MSI2: variants seen among roughly 807,000 people sequenced by gnomAD.
MSI2 encodes RNA-binding protein Musashi homolog 2.
MSI2 carries 17 observed loss-of-function variants against 45.6 expected under a neutral mutation model. That is an observed-to-expected ratio of 0.37 (90% CI 0.26 to 0.56). MSI2 has a LOEUF of 0.56. Among genes scored for constraint, MSI2 ranks in the 20% least tolerant of loss-of-function variants. The probability of loss-of-function intolerance (pLI) is 0.77; values close to 1 mark genes in which losing one functional copy is unlikely to be tolerated. For missense variants in MSI2, 293 were observed against 444.2 expected, an observed-to-expected ratio of 0.66 and a Z score of 3.06; for synonymous variants, 156 against 158.2, an observed-to-expected ratio of 0.99 and a Z score of 0.11.
chr17:57,470,450 G>C (rs1238889058), intron 6 of MSI2, among the ~76,000 whole-genome samples: 2 of 152,050 alleles, frequency 1.3e-5, no homozygotes, highest in African/African-American at 4.8e-5. Flanking sequence ...GCTAATTTTT[G>C]TATTTTTAGT....
rs565943846 is a variant in MSI2, at chr17:57,652,494, C to T, written c.790+333C>T. ...GCTTCGGGTACCTGTGGTCATTTCC[C>T]TCCTTGGCTTTTGCTAATTCAACAG... On this transcript the variant is annotated intron_variant, in intron 11 of 13. Coordinates refer to ENST00000284073, the MANE Select transcript of MSI2 (RefSeq NM_138962.4). The surrounding 1 kb of genome is among the most constrained non-coding windows in gnomAD (Gnocchi z 4.1). 1.6e-4 allele frequency among the ~76,000 whole-genome samples: 25 copies of T among 152,188 alleles called. No individual in the cohort carries two copies. The highest frequency in any genetic ancestry group is 3.5e-4 in the Non-Finnish European group (24 of 68,036).
At chr17:57,343,186 C>T (rs1262464632) in intron 5 of MSI2, among the ~76,000 whole-genome samples, 2 of 152,174 alleles carry the variant, frequency 1.3e-5, no homozygotes, top group Non-Finnish European at 2.9e-5. Context: ...GTTAAGCCCT[C>T]TTGACCCACT....
At chr17:57,606,114 G>A (rs1192947675) in intron 8 of MSI2, 1 of 152,390 alleles carries the variant, frequency 6.6e-6, no homozygotes, top group African/African-American at 2.4e-5. Flanking sequence ...GGGAGGGTTA[G>A]GGAGAAAGGC....
chr17:57,618,305 G>C (rs780986163), intron 9 of MSI2: 2 of 152,136 alleles, frequency 1.3e-5, no homozygotes, highest in South Asian at 4.1e-4. Context: ...AAATGAAGCA[G>C]CACAAAACTC....
chr17:57,337,739 T>G (rs1914793608), intron 5 of MSI2, among the ~76,000 whole-genome samples: 2 of 152,224 alleles, frequency 1.3e-5, no homozygotes, highest in Non-Finnish European at 2.9e-5. Flanking sequence ...AAGGAAAGGT[T>G]GTTCATATTT....
downstream of MSI2, among the ~76,000 whole-genome samples, chr17:57,687,121 C>T (rs1186505215): frequency 2.6e-5 from 2 of 75,626 alleles, no homozygotes; most frequent in Non-Finnish European, 5.0e-5. Flanking sequence ...AAAAAGATTA[C>T]ATACAAACTG....
chr17:57,487,483 AC>A lies in MSI2; in HGVS notation c.406-42192del, dbSNP rs568819267. ...GTCCTCATCACTCATCCATCAAGTG[AC>A]AAAACTCTTCTCTTAACCTTCAGCC... On this transcript the variant is annotated intron_variant, in intron 6 of 13. Transcript: ENST00000284073. 2.9e-3 allele frequency among the ~76,000 whole-genome samples: 444 copies of A among 152,288 alleles called. 3 individuals are homozygous for A. The highest frequency in any genetic ancestry group is 9.9e-3 in the African/African-American group (411 of 41,558).
At chr17:57,344,410 A>G (rs1008691197) in intron 5 of MSI2, among the ~76,000 whole-genome samples, 1 of 152,164 alleles carries the variant, frequency 6.6e-6, no homozygotes, top group African/African-American at 2.4e-5. Flanking sequence ...CCTGCGCCGG[A>G]GTTTATTTTT....
At chr17:57,470,695 C>T (rs978599304) in intron 6 of MSI2, among the ~76,000 whole-genome samples, 4 of 152,334 alleles carry the variant, frequency 2.6e-5, no homozygotes, top group East Asian at 1.9e-4. Context: ...GCCTTGCTGT[C>T]CACAGCAGGG....
intron 7 of MSI2, among the ~76,000 whole-genome samples, chr17:57,588,657 A>G (rs557994537): frequency 5.9e-4 from 90 of 152,314 alleles, no homozygotes; most frequent in African/African-American, 2.1e-3. Context: ...GGAAGCCAAC[A>G]TAGAGCTGGA....
intron 6 of MSI2, chr17:57,450,283 G>GA (rs57714677): frequency 3.0e-5 from 4 of 131,600 alleles, no homozygotes; most frequent in Non-Finnish European, 4.9e-5. Context: ...AAGAAAGAAA[G>GA]AAAGAAAGAA....
intron 8 of MSI2, among the ~76,000 whole-genome samples, chr17:57,614,273 G>C (rs958813473): frequency 6.6e-6 from 1 of 152,056 alleles, no homozygotes; most frequent in Non-Finnish European, 1.5e-5. Flanking sequence ...GGCTGGTCTC[G>C]AACTCCTGGA....
chr17:57,627,627 C>G lies in MSI2; in HGVS notation c.727+324C>G. ...GTTTTTTCTCACTGGGGACTGAACT[C>G]TAGGCCCAGGGCTTTCTTTCACCCT... On this transcript the variant is annotated intron_variant, in intron 10 of 13. Transcript: ENST00000284073. The surrounding 1 kb of genome is among the most constrained non-coding windows in gnomAD (Gnocchi z 4.6). 2.5e-6 allele frequency: 1 copy of G among 397,028 alleles called. No individual in the cohort carries two copies. The highest frequency in any genetic ancestry group is 4.6e-6 in the Non-Finnish European group (1 of 218,202). 24.6% of individuals were successfully genotyped at this position (397,028 alleles called of 1,614,324 possible).
chr17:57,298,905 C>T (rs567680345), intron 5 of MSI2, among the ~76,000 whole-genome samples: 10 of 152,344 alleles, frequency 6.6e-5, no homozygotes, highest in Admixed American at 5.9e-4. Flanking sequence ...CCATTTTCTT[C>T]CAATAAAAGA....
intron 6 of MSI2, among the ~76,000 whole-genome samples, chr17:57,514,672 T>TA (rs1157911971): frequency 5.5e-5 from 8 of 144,646 alleles, no homozygotes; most frequent in African/African-American, 2.1e-4. Flanking sequence ...TTTTTTTTTT[T>TA]AAGGGAAGAT....
At chr17:57,574,870 G>T (rs547370595) in intron 7 of MSI2, among the ~76,000 whole-genome samples, 3 of 130,774 alleles carry the variant, frequency 2.3e-5, no homozygotes, top group Non-Finnish European at 1.5e-5. Context: ...TCGCTCTGTC[G>T]CCCAGGCTGG....
At chr17:57,368,919 G>A (rs792368) in intron 5 of MSI2, among the ~76,000 whole-genome samples, 2,042 of 152,262 alleles carry the variant, frequency 0.013, 47 homozygotes, top group African/African-American at 0.046. Flanking sequence ...AGGAAGGAAC[G>A]GCATGCCTGA....
rs371001598 is a variant in MSI2, at chr17:57,502,435, G to A, written c.406-27241G>A. On this transcript the variant is annotated intron_variant, in intron 6 of 13. Transcript: ENST00000284073. ...TCCTCATTGATAACATGGAGACGATGATAATAGTGCATCCTTTGAAGGTGT... is the reference window on the plus strand; with the variant it reads ...TCCTCATTGATAACATGGAGACGATAATAATAGTGCATCCTTTGAAGGTGT... Among the ~76,000 whole-genome samples the A allele has an allele frequency of 1.4e-4, 21 of 151,706 alleles. No homozygotes were observed. In the East Asian group the frequency reaches 3.5e-3, roughly 25 times the overall value.
At chr17:57,390,997 T>C (rs1284569714) in intron 5 of MSI2, among the ~76,000 whole-genome samples, 1 of 152,226 alleles carries the variant, frequency 6.6e-6, no homozygotes, top group Non-Finnish European at 1.5e-5. Flanking sequence ...CAGGGAACTT[T>C]GACATGCTCA....
Sources: allele counts gnomAD v4.1 joint callset (sites outside exome capture counted in the v4.1 genomes callset), GRCh38; gene constraint gnomAD v4.1.1; non-coding constraint Gnocchi (gnomAD v3.1); transcripts MANE v1.5; gene names NCBI Gene and HGNC (gene_info 2026-07-23, HGNC 2026-07-21).